GNAQ: variants seen among roughly 807,000 people sequenced by gnomAD.
GNAQ encodes the protein G protein subunit alpha q.
Under a neutral mutation model 43.9 loss-of-function variants are expected in GNAQ, and 8 were observed. The ratio of observed to expected loss-of-function variants is 0.18; its 90% CI spans 0.11 to 0.33. The LOEUF (loss-of-function observed/expected upper bound fraction) is 0.33. Among genes scored for constraint, GNAQ ranks in the 10% least tolerant of loss-of-function variants. The probability of loss-of-function intolerance (pLI) is 1.00; values close to 1 mark genes in which losing one functional copy is unlikely to be tolerated. For synonymous variants in GNAQ, 155 were observed against 170.7 expected, an observed-to-expected ratio of 0.91 and a Z score of 0.71; for missense variants, 158 against 450.8, an observed-to-expected ratio of 0.35 and a Z score of 5.88.
intron 2 of GNAQ, among the ~76,000 whole-genome samples, chr9:77,867,181 C>G (rs1012667409): frequency 2.6e-5 from 4 of 152,182 alleles, no homozygotes; most frequent in African/African-American, 7.2e-5. Flanking sequence ...CACTTCCCCC[C>G]GCCTTGGGAA....
At chr9:77,729,772 T>G (rs1045305915) in intron 5 of GNAQ, among the ~76,000 whole-genome samples, 9 of 152,322 alleles carry the variant, frequency 5.9e-5, no homozygotes, top group African/African-American at 2.2e-4. Flanking sequence ...CTGCCTGGGA[T>G]TGTGCCCACC....
At chr9:77,828,930 T>C (rs1827251824) in intron 2 of GNAQ, among the ~76,000 whole-genome samples, 1 of 152,158 alleles carries the variant, frequency 6.6e-6, no homozygotes, top group African/African-American at 2.4e-5. Flanking sequence ...AAAGTGAAAT[T>C]AAAATATTTA....
chr9:77,948,467 G>A (rs927414469), intron 1 of GNAQ, among the ~76,000 whole-genome samples: 4 of 152,156 alleles, frequency 2.6e-5, no homozygotes, highest in Admixed American at 6.5e-5. Context: ...CAGAAAGCGG[G>A]GGACCTAGCG....
intron 5 of GNAQ, among the ~76,000 whole-genome samples, chr9:77,785,484 T>C (rs1384476142): frequency 6.6e-6 from 1 of 152,200 alleles, no homozygotes; most frequent in Non-Finnish European, 1.5e-5. Context: ...AGGCAGTATC[T>C]ACCACAGTTG....
intron 2 of GNAQ, among the ~76,000 whole-genome samples, chr9:77,913,080 G>C (rs563279585): frequency 6.6e-6 from 1 of 152,244 alleles, no homozygotes; most frequent in South Asian, 2.1e-4. Flanking sequence ...CAGCTTGTGG[G>C]AATGTAAACT....
chr9:78,020,556 T>C (rs1234034722), intron 1 of GNAQ, among the ~76,000 whole-genome samples: 1 of 152,170 alleles, frequency 6.6e-6, no homozygotes, highest in African/African-American at 2.4e-5. Context: ...ACAGTGGATG[T>C]GACAATGAGG....
At chr9:77,776,572 A>G (rs925512229) in intron 5 of GNAQ, among the ~76,000 whole-genome samples, 4 of 152,226 alleles carry the variant, frequency 2.6e-5, no homozygotes, top group African/African-American at 9.6e-5. Context: ...ACTGAACAAT[A>G]GAGCCCCAAA....
chr9:77,726,015 AGT>A (rs142955619), intron 6 of GNAQ, among the ~76,000 whole-genome samples: 4,884 of 150,638 alleles, frequency 0.032, 241 homozygotes, highest in African/African-American at 0.11. Flanking sequence ...AAGAACCTCG[AGT>A]GTGTGTGTGT....
Position 77,718,307 on chromosome 9 carries a change from GA to G in GNAQ, c.*3015del, listed in dbSNP as rs923594272. 4.7e-5 allele frequency: 11 copies of G among 232,448 alleles called. No individual in the cohort carries two copies. The highest frequency in any genetic ancestry group is 9.4e-5 in the Non-Finnish European group (11 of 117,580). The allele number at this position is 232,448 out of a possible 1,614,324, so 14.4% of individuals were successfully genotyped here. On this transcript the variant is annotated 3_prime_UTR_variant, in exon 7 of 7. Transcript: ENST00000286548. ...GTAAACTTTGTTTTTATACAAAACTGAAAAGAATCCCGTCCCGCCCCTAGCC... is the reference window on the plus strand; with the variant it reads ...GTAAACTTTGTTTTTATACAAAACTGAAAGAATCCCGTCCCGCCCCTAGCC...
At chr9:77,845,655 T>C (rs1461248266) in intron 2 of GNAQ, among the ~76,000 whole-genome samples, 1 of 152,242 alleles carries the variant, frequency 6.6e-6, no homozygotes, top group Non-Finnish European at 1.5e-5. Flanking sequence ...CATCTCTTTA[T>C]AATCAGAAAG....
intron 5 of GNAQ, among the ~76,000 whole-genome samples, chr9:77,753,438 T>C (rs538811066): frequency 2.0e-5 from 3 of 152,224 alleles, no homozygotes; most frequent in Non-Finnish European, 4.4e-5. Flanking sequence ...TTTTGTGAAG[T>C]AGTCATGCTT....
intron 1 of GNAQ, among the ~76,000 whole-genome samples, chr9:78,028,961 T>A (rs1183201054): frequency 6.6e-6 from 1 of 152,210 alleles, no homozygotes; most frequent in Non-Finnish European, 1.5e-5. Context: ...TCTTGCATGA[T>A]GTTCCGCTAA....
intron 2 of GNAQ, among the ~76,000 whole-genome samples, chr9:77,905,860 C>G (rs1428437497): frequency 2.6e-5 from 4 of 152,088 alleles, no homozygotes; most frequent in Non-Finnish European, 5.9e-5. Context: ...TGTTCTCTCT[C>G]ATAAGTAGGA....
chr9:77,990,247 G>C (rs547204380), intron 1 of GNAQ, among the ~76,000 whole-genome samples: 16 of 152,200 alleles, frequency 1.1e-4, no homozygotes, highest in Middle Eastern at 3.4e-3. Flanking sequence ...TAATTTTTTA[G>C]AGACATGCTC....
At position 77,779,680 on chromosome 9, in the gene GNAQ, C is replaced by CA. The variant is rs58014303; in HGVS notation, c.735+14782dup. On this transcript the variant is annotated intron_variant, in intron 5 of 6. Coordinates refer to ENST00000286548, the MANE Select transcript of GNAQ (RefSeq NM_002072.5). Reference sequence around the variant, plus strand: ...TAGCCAGGTTAACTAAAAAACAAAACAAAAAAAAAAAAAAAAAAAAAGAGA... The same window carrying CA: ...TAGCCAGGTTAACTAAAAAACAAAACAAAAAAAAAAAAAAAAAAAAAAGAGA... Among the ~76,000 whole-genome samples the CA allele has an allele frequency of 2.6e-3, 247 of 95,916 alleles. 1 individual carries two copies. Among genetic ancestry groups the CA allele is most frequent in the African/African-American group, 5.1e-3 (124 of 24,140 alleles). 62.9% of individuals were successfully genotyped at this position (95,916 alleles called of 152,430 possible). A position where few individuals can be genotyped will look rare whatever the true frequency, so the allele number is the denominator to read the frequency against.
In GNAQ at chr9:77,929,076, T is replaced by A. The variant is rs1829110315; in HGVS notation, c.137-6731A>T. Among the ~76,000 whole-genome samples, 3 of 152,276 alleles carry A rather than the reference T, an allele frequency of 2.0e-5. 1 individual carries two copies. Among genetic ancestry groups the A allele is most frequent in the South Asian group, 4.1e-4 (2 of 4,820 alleles). On this transcript the variant is annotated intron_variant, in intron 1 of 6. Transcript: ENST00000286548. ...GTATATAAATATCTCAATTTAAAAA[T>A]TTTTTTAAACTAGCATCAGTATAAT...
In GNAQ at chr9:78,031,549, C is replaced by T. The variant is rs1301826035; in HGVS notation, c.-314G>A. 6.5e-6 allele frequency: 1 copy of T among 153,106 alleles called. No individual in the cohort carries two copies. The highest frequency in any genetic ancestry group is 1.4e-5 in the Non-Finnish European group (1 of 69,180). The allele number at this position is 153,106 out of a possible 1,614,324, so 9.5% of individuals were successfully genotyped here. On this transcript the variant is annotated 5_prime_UTR_variant, in exon 1 of 7. Coordinates refer to ENST00000286548, the MANE Select transcript of GNAQ (RefSeq NM_002072.5). ...GCCCGGCCTCGCTCAGACGCCCGCG[C>T]CTCCTTCCCCGGGAACAGGCGGCCC...
At chr9:78,016,020 T>C (rs745849315) in intron 1 of GNAQ, among the ~76,000 whole-genome samples, 1 of 152,124 alleles carries the variant, frequency 6.6e-6, no homozygotes, top group Non-Finnish European at 1.5e-5. Flanking sequence ...ATACGTTTTT[T>C]TCAACAAATG....
chr9:77,866,849 A>G (rs1232805149), intron 2 of GNAQ, among the ~76,000 whole-genome samples: 2 of 152,220 alleles, frequency 1.3e-5, no homozygotes, highest in Non-Finnish European at 2.9e-5. Flanking sequence ...TTATTAAAAC[A>G]CAGTCGTCAT....
Sources: allele counts gnomAD v4.1 joint callset (sites outside exome capture counted in the v4.1 genomes callset), GRCh38; gene constraint gnomAD v4.1.1; transcripts MANE v1.5; gene names NCBI Gene and HGNC (gene_info 2026-07-23, HGNC 2026-07-21).